Variants in CRB2 observed in about 807,000 individuals in gnomAD.
CRB2 encodes protein crumbs homolog 2.
Under a neutral mutation model 110.9 loss-of-function variants are expected in CRB2, and 85 were observed. The observed-to-expected ratio is 0.77, with a 90% CI of 0.64 to 0.92. The LOEUF is 0.92. Ranked by LOEUF, CRB2 falls within the 40% of genes least tolerant of loss-of-function variation. CRB2 has a pLI of 0.00. For synonymous variants in CRB2, 907 were observed against 831.0 expected, an observed-to-expected ratio of 1.09 and a Z score of -1.57; for missense variants, 1,843 against 1,851.3, an observed-to-expected ratio of 1.00 and a Z score of 0.08.
chr9:123,373,759 C>A lies in CRB2; in HGVS notation c.3228C>A (p.Asp1076Glu). Reference sequence around the variant, plus strand: ...ACGGTGCCTGCCGTGACCTCTTCGACGCCTTTGCCTGCGCCTGCGGCCCGG... The same window carrying A: ...ACGGTGCCTGCCGTGACCTCTTCGAAGCCTTTGCCTGCGCCTGCGGCCCGG... ...LHDGACRDLF[D>E]AFACACGPGW... Residue 1076 changes from aspartate to glutamate, a missense_variant, in exon 10 of 13, where the codon GAC becomes GAA. Physicochemically the swap from Asp to Glu is conservative, Grantham distance 45. Transcript: ENST00000373631. 6.3e-7 allele frequency: 1 copy of A among 1,590,390 alleles called. No homozygotes were observed.
rs533564628 is a variant in CRB2 at position 123,362,731 on chromosome 9, C to T, written c.95-134C>T. Reference sequence around the variant, plus strand: ...TTACTGGGACCTGGCTTGCAGACCCCTGGCCCTCTGTCCATACTGTGCATG... The same window carrying T: ...TTACTGGGACCTGGCTTGCAGACCCTTGGCCCTCTGTCCATACTGTGCATG... On this transcript the variant is annotated intron_variant, in intron 1 of 12. Coordinates refer to ENST00000373631, the MANE Select transcript of CRB2 (RefSeq NM_173689.7). The T allele has an allele frequency of 3.7e-5, 30 of 813,372 alleles. No individual in the cohort carries two copies. In the African/African-American group the frequency reaches 4.6e-4, roughly 13 times the overall value. 50.4% of individuals were successfully genotyped at this position (813,372 alleles called of 1,614,324 possible).
At chr9:123,366,438 G>A in intron 4 of CRB2, 72 bp downstream of exon 4, 1 of 1,466,886 alleles carries the variant, frequency 6.8e-7, no homozygotes, top group Non-Finnish European at 8.9e-7. Context: ...GGGGCGGTGG[G>A]GCAGGTGTGT....
chr9:123,371,785 G>A lies in CRB2; in HGVS notation c.2436+207G>A, dbSNP rs187273353. ...AGCCCAGCTGCTCCTACCCTCTGGC[G>A]GTCCCCGTGTCTCCCCGAGCTAGTC... On this transcript the variant is annotated intron_variant, in intron 8 of 12. Transcript: ENST00000373631. Among the ~76,000 whole-genome samples the A allele has an allele frequency of 3.3e-5, 5 of 152,300 alleles. No individual in the cohort carries two copies. The East Asian group carries it at 5.8e-4, about 18-fold the overall frequency.
chr9:123,356,029 G>A, upstream of CRB2: 1 of 403,182 alleles, frequency 2.5e-6, no homozygotes. Flanking sequence ...GACCAGGTCA[G>A]CCCCACAGGC....
In CRB2 at chr9:123,371,276, A is replaced by G. The variant is rs1356563712; in HGVS notation, c.2134A>G (p.Ser712Gly). Residue 712 changes from serine to glycine, a missense_variant, in exon 8 of 13, where the codon AGT (serine) becomes GGT (glycine). Coordinates refer to ENST00000373631, the MANE Select transcript of CRB2 (RefSeq NM_173689.7). The stretch of plus-strand genomic sequence containing the variant: ...TCGGATCCGGGCTGAGGTGCCGGGC[A>G]GTCCTGCTGTAGTGCTCCCTGGGCG... ...EGRIRAEVPG[S>G]PAVVLPGRWD... 2.5e-6 allele frequency: 4 copies of G among 1,613,780 alleles called. No homozygotes were observed. In the African/African-American group the frequency reaches 4.0e-5, roughly 16 times the overall value.
Position 123,360,715 on chromosome 9 carries a change from G to A in CRB2, c.95-2150G>A, listed in dbSNP as rs187769231. Among the ~76,000 whole-genome samples the A allele has an allele frequency of 1.6e-3, 248 of 152,314 alleles. 1 individual carries two copies. The highest frequency in any genetic ancestry group is 5.7e-3 in the African/African-American group (237 of 41,566). ...AGCTTGGAGTGAGGCCCTGGGTTTG[G>A]ATTCCAGCCTCCCTTGGGCTGTGGA... On this transcript the variant is annotated intron_variant, in intron 1 of 12. Coordinates refer to ENST00000373631, the MANE Select transcript of CRB2 (RefSeq NM_173689.7).
chr9:123,357,939 G>A (rs1364861308), intron 1 of CRB2, among the ~76,000 whole-genome samples: 1 of 152,252 alleles, frequency 6.6e-6, no homozygotes, highest in African/African-American at 2.4e-5. Context: ...GAGGCACAGA[G>A]TGGATGGAGG....
rs193230954 is a variant in CRB2, at chr9:123,367,990, G to A, written c.1054+304G>A. 2.0e-5 allele frequency among the ~76,000 whole-genome samples: 3 copies of A among 152,010 alleles called. No individual in the cohort carries two copies. The East Asian group carries it at 5.8e-4, about 29-fold the overall frequency. On this transcript the variant is annotated intron_variant, in intron 6 of 12. Transcript: ENST00000373631. The stretch of plus-strand genomic sequence containing the variant: ...AGCCAGGACAGAGAAGGAAAGGGGG[G>A]CTATTGCAGAGAGTTAGGGGGCAGC...
At chr9:123,358,051 T>C (rs1188060810) in intron 1 of CRB2, among the ~76,000 whole-genome samples, 1 of 152,216 alleles carries the variant, frequency 6.6e-6, no homozygotes, top group African/African-American at 2.4e-5. Flanking sequence ...GGGAGCGCCA[T>C]CCCTGGGGAT....
chr9:123,359,429 CGTTTTTG>C (rs2041835313), intron 1 of CRB2, among the ~76,000 whole-genome samples: 5 of 106,258 alleles, frequency 4.7e-5, no homozygotes, highest in Non-Finnish European at 9.0e-5. Context: ...TGTGGTTTTT[CGTTTTTG>C]TTTTGTTTTT....
rs565689888 is a variant in CRB2, at chr9:123,373,428, C to A, written c.2897C>A (p.Pro966Gln). 6.9e-7 allele frequency: 1 copy of A among 1,447,142 alleles called. No homozygotes were observed. The highest frequency in any genetic ancestry group is 9.0e-7 in the Non-Finnish European group (1 of 1,105,648). 89.6% of individuals were successfully genotyped at this position (1,447,142 alleles called of 1,614,324 possible). ...CGCGTGCGTCTGGCCATGGAGCGCC[C>A]GGCGGCCACCACCTCGCGCTGGCTG... is the stretch of plus-strand genomic sequence containing the variant. The part of the protein sequence containing the change: ...WHRVRLAMER[P>Q]AATTSRWLLW... Residue 966 changes from proline (P) to glutamine (Q), a missense_variant, in exon 10 of 13, where the codon CCG becomes CAG. Coordinates refer to ENST00000373631, the MANE Select transcript of CRB2 (RefSeq NM_173689.7).
In CRB2 at chr9:123,375,200, C is replaced by A; in HGVS notation, c.3507-17C>A. ...GCCATGGGGGAAGCCGCTTTCTCAG[C>A]CCCCCTCCCTCTCCAGGTGTCAGGT... On this transcript the variant is annotated splice_polypyrimidine_tract_variant and intron_variant, in intron 11 of 12. Transcript: ENST00000373631. 6.2e-7 allele frequency: 1 copy of A among 1,610,954 alleles called. No homozygotes were observed. The highest frequency in any genetic ancestry group is 2.2e-5 in the East Asian group (1 of 44,750).
chr9:123,355,827 G>A (rs2041791057), upstream of CRB2, among the ~76,000 whole-genome samples: 3 of 151,402 alleles, frequency 2.0e-5, no homozygotes, highest in African/African-American at 2.4e-5. Context: ...GAGAGGCCCG[G>A]GCTGGAGAGG....
In CRB2 at chr9:123,374,624, C is replaced by T. The variant is rs148933240; in HGVS notation, c.3435C>T (p.Leu1145=). 1.9e-4 allele frequency: 309 copies of T among 1,613,464 alleles called. No homozygotes were observed. The highest frequency in any genetic ancestry group is 2.4e-4 in the Non-Finnish European group (284 of 1,179,956). The change falls in exon 11 of 13, where the codon CTC becomes CTT. Residue 1145 remains leucine (L), a synonymous_variant. Coordinates refer to ENST00000373631, the MANE Select transcript of CRB2 (RefSeq NM_173689.7). ...AGTGCAGCCTGAATGTCACCTGCCTCGATGGCAGCCCATGTGAGGGTGGCT... is the reference window on the plus strand; with the variant it reads ...AGTGCAGCCTGAATGTCACCTGCCTTGATGGCAGCCCATGTGAGGGTGGCT... ...SKECSLNVTC[L]DGSPCEGGSP...
chr9:123,371,791 C>T (rs1564375766), intron 8 of CRB2, among the ~76,000 whole-genome samples: 2 of 152,154 alleles, frequency 1.3e-5, no homozygotes, highest in African/African-American at 4.8e-5. Flanking sequence ...TGGCGGTCCC[C>T]GTGTCTCCCC....
chr9:123,378,981 G>C (rs2042156863), downstream of CRB2, among the ~76,000 whole-genome samples: 1 of 151,576 alleles, frequency 6.6e-6, no homozygotes, highest in South Asian at 2.1e-4. Flanking sequence ...TAGAGACGGG[G>C]CTTCACCATC....
Position 123,372,361 on chromosome 9 carries a change from C to T in CRB2, c.2602+19C>T, listed in dbSNP as rs1012861174. 2.5e-6 allele frequency: 4 copies of T among 1,571,508 alleles called. No individual in the cohort carries two copies. The African/African-American group carries it at 4.0e-5, about 16-fold the overall frequency. On this transcript the variant is annotated intron_variant, in intron 9 of 12. Transcript: ENST00000373631. ...TTTGTGTGTGAGTGTGTGTCCTGGGCAGCTCCCGTGCTGGGTGCTGGACAC... is the reference window on the plus strand; with the variant it reads ...TTTGTGTGTGAGTGTGTGTCCTGGGTAGCTCCCGTGCTGGGTGCTGGACAC...
At chr9:123,354,661 G>A (rs1489289482), upstream of CRB2, among the ~76,000 whole-genome samples, 1 of 152,220 alleles carries the variant, frequency 6.6e-6, no homozygotes, top group Non-Finnish European at 1.5e-5. Context: ...CTGTTGTATT[G>A]GAGAGGCAGG....
intron 6 of CRB2, among the ~76,000 whole-genome samples, chr9:123,368,375 G>A (rs1034153578): frequency 5.3e-5 from 8 of 152,186 alleles, no homozygotes; most frequent in Admixed American, 4.6e-4. Flanking sequence ...CACTCCTGGG[G>A]GTCCCGAAGG....
Sources: allele counts gnomAD v4.1 joint callset (sites outside exome capture counted in the v4.1 genomes callset), GRCh38; gene constraint gnomAD v4.1.1; transcripts MANE v1.5; gene names NCBI Gene and HGNC (gene_info 2026-07-23, HGNC 2026-07-21).